B4GALT1: variants seen among roughly 807,000 people sequenced by gnomAD.
The protein encoded by B4GALT1 is beta-1,4-galactosyltransferase 1, also known as N-acetyllactosamine synthase.
B4GALT1 carries 16 observed loss-of-function variants against 34.9 expected under a neutral mutation model. The ratio of observed to expected loss-of-function variants is 0.46; its 90% CI spans 0.31 to 0.70. B4GALT1 has a LOEUF of 0.70. Among genes scored for constraint, B4GALT1 ranks in the 30% least tolerant of loss-of-function variants. B4GALT1 has a pLI of 0.05. For synonymous variants in B4GALT1, 221 were observed against 218.1 expected, an observed-to-expected ratio of 1.01 and a Z score of -0.12; for missense variants, 445 against 530.5, an observed-to-expected ratio of 0.84 and a Z score of 1.58.
At chr9:33,108,142 G>A (rs1839814933), downstream of B4GALT1, among the ~76,000 whole-genome samples, 1 of 152,124 alleles carries the variant, frequency 6.6e-6, no homozygotes, top group African/African-American at 2.4e-5. Flanking sequence ...TGTTCTAAGT[G>A]CTTCATAAGT....
chr9:33,123,582 A>T (rs1840052738), intron 2 of B4GALT1, among the ~76,000 whole-genome samples: 1 of 152,178 alleles, frequency 6.6e-6, no homozygotes, highest in South Asian at 2.1e-4. Flanking sequence ...AGGGCTGCCC[A>T]GCCCAGGACA....
chr9:33,157,121 T>TACACACACAC (rs199541947), intron 1 of B4GALT1, among the ~76,000 whole-genome samples: 3,143 of 113,162 alleles, frequency 0.028, 205 homozygotes, highest in African/African-American at 0.063. Flanking sequence ...CATAGGGAAC[T>TACACACACAC]ACACACACAC....
intron 5 of B4GALT1, 66 bp downstream of exon 5, chr9:33,113,708 G>A: frequency 3.7e-6 from 6 of 1,607,916 alleles, no homozygotes; most frequent in Non-Finnish European, 5.1e-6. Flanking sequence ...TCTAGGCCCA[G>A]AGCCTCGGAC....
intron 4 of B4GALT1, 118 bp downstream of exon 4, chr9:33,115,873 G>T: frequency 3.7e-6 from 5 of 1,334,786 alleles, no homozygotes; most frequent in Non-Finnish European, 5.3e-6. Flanking sequence ...TAAGAATGTG[G>T]GCTGACTAGG....
At chr9:33,175,705 G>A in the B4GALT1 span, among the ~76,000 whole-genome samples, 1 of 152,140 alleles carries the variant, frequency 6.6e-6, no homozygotes, top group African/African-American at 2.4e-5. Flanking sequence ...ACAGTATTCA[G>A]TACAGTAACA....
At chr9:33,118,987 G>A (rs1452193023) in intron 3 of B4GALT1, among the ~76,000 whole-genome samples, 5 of 151,844 alleles carry the variant, frequency 3.3e-5, no homozygotes, top group South Asian at 2.1e-4. Context: ...TCAGCTTCCC[G>A]AGTAGCTGGG....
chr9:33,146,692 CTTTTCTTTTT>C (rs1840430477), intron 1 of B4GALT1, among the ~76,000 whole-genome samples: 1 of 82,482 alleles, frequency 1.2e-5, no homozygotes, highest in Admixed American at 1.7e-4. Context: ...AATTTTCTTT[CTTTTCTTTTT>C]TTTTTTTTTG....
chr9:33,154,446 A>G (rs1397222220), intron 1 of B4GALT1, among the ~76,000 whole-genome samples: 1 of 152,224 alleles, frequency 6.6e-6, no homozygotes, highest in East Asian at 1.9e-4. Flanking sequence ...GTTGTCTCTT[A>G]GCATATCTAT....
upstream of B4GALT1, among the ~76,000 whole-genome samples, chr9:33,168,525 C>T (rs145630677): frequency 2.6e-5 from 4 of 152,332 alleles, no homozygotes; most frequent in Non-Finnish European, 4.4e-5. Context: ...GGTGGTGTTA[C>T]GGTGTCCATT....
chr9:33,139,620 T>C (rs3780485), intron 1 of B4GALT1, among the ~76,000 whole-genome samples: 3,478 of 152,324 alleles, frequency 0.023, 60 homozygotes, highest in East Asian at 0.061. Context: ...GCAGGGACCA[T>C]GCTCTGCTAC....
chr9:33,117,980 C>T (rs993774474), intron 3 of B4GALT1, among the ~76,000 whole-genome samples: 1 of 152,180 alleles, frequency 6.6e-6, no homozygotes. Flanking sequence ...CTATCTGCCC[C>T]AAGCCCAAAC....
upstream of B4GALT1, among the ~76,000 whole-genome samples, chr9:33,171,473 A>G (rs575028999): frequency 2.0e-5 from 3 of 152,338 alleles, no homozygotes; most frequent in South Asian, 4.1e-4. Flanking sequence ...CAGCCTTAGC[A>G]TCACTTCTAA....
chr9:33,156,603 T>C (rs1008366575), intron 1 of B4GALT1, among the ~76,000 whole-genome samples: 5 of 152,220 alleles, frequency 3.3e-5, no homozygotes, highest in African/African-American at 1.2e-4. Flanking sequence ...TGGGCTATTG[T>C]AACAACTTAT....
chr9:33,147,654 T>C (rs1286290752), intron 1 of B4GALT1, among the ~76,000 whole-genome samples: 1 of 152,096 alleles, frequency 6.6e-6, no homozygotes. Flanking sequence ...ACCTAACATA[T>C]GGAAGAACAA....
downstream of B4GALT1, among the ~76,000 whole-genome samples, chr9:33,108,219 A>G (rs914632756): frequency 1.3e-5 from 2 of 152,210 alleles, no homozygotes; most frequent in Non-Finnish European, 2.9e-5. Context: ...CTCCCATTAC[A>G]CAGAACCAGA....
At chr9:33,182,474 C>T in the B4GALT1 span, among the ~76,000 whole-genome samples, 1 of 152,138 alleles carries the variant, frequency 6.6e-6, no homozygotes, top group East Asian at 1.9e-4. Context: ...GAGAAATAAG[C>T]CAAAAAGGAA....
chr9:33,119,880 C>A (rs1181498352), intron 3 of B4GALT1, among the ~76,000 whole-genome samples: 1 of 152,058 alleles, frequency 6.6e-6, no homozygotes, highest in Non-Finnish European at 1.5e-5. Flanking sequence ...AGAGCCCCTC[C>A]CAAATGCTAA....
chr9:33,137,562 T>C (rs1840288909), intron 1 of B4GALT1, among the ~76,000 whole-genome samples: 2 of 152,206 alleles, frequency 1.3e-5, no homozygotes. Context: ...ACTCAGTCAG[T>C]GGTCACCCTG....
chr9:33,104,904 C>T (rs532005805), intron 2 of B4GALT1: 5 of 372,904 alleles, frequency 1.3e-5, no homozygotes, highest in Admixed American at 9.7e-5. Flanking sequence ...ACTGCAACTT[C>T]CACCTCTTGG....
Sources: gnomAD v4.1 joint callset for allele counts (sites outside exome capture counted in the v4.1 genomes callset) on GRCh38, gnomAD v4.1.1 for gene constraint, MANE v1.5 for transcripts, NCBI Gene and HGNC (gene_info 2026-07-23, HGNC 2026-07-21) for gene names.